RORA: variants seen among roughly 807,000 people sequenced by gnomAD.
The protein encoded by RORA is RAR related orphan receptor A, also known as nuclear receptor ROR-alpha.
In RORA, 7 loss-of-function variants were observed where a neutral mutation model predicts 69.5. That is an observed-to-expected ratio of 0.10 (90% CI 0.06 to 0.19). The LOEUF is 0.19. Ranked by LOEUF, RORA falls within the 10% of genes least tolerant of loss-of-function variation. The pLI is 1.00. For synonymous variants in RORA, 261 were observed against 240.8 expected (o/e 1.08, Z -0.78); for missense variants, 457 against 663.0 (o/e 0.69, Z 3.41).
At chr15:61,196,150 CAA>C (rs1309713372) in intron 1 of RORA, among the ~76,000 whole-genome samples, 3 of 152,170 alleles carry the variant, frequency 2.0e-5, no homozygotes, top group Admixed American at 6.5e-5. Context: ...GATCTGACCC[CAA>C]AAGTTACGTA....
intron 1 of RORA, chr15:60,736,830 C>A (rs897823074): frequency 1.3e-5 from 2 of 152,162 alleles, no homozygotes; most frequent in African/African-American, 4.8e-5. Context: ...CTAAGCAGAG[C>A]CGAGCCTGGT....
chr15:60,536,589 A>G (rs908500729), intron 2 of RORA, among the ~76,000 whole-genome samples: 1 of 152,240 alleles, frequency 6.6e-6, no homozygotes, highest in Non-Finnish European at 1.5e-5. Context: ...AAAGTTTTTT[A>G]TTGGTTCACA....
chr15:60,948,498 A>G (rs566237091), intron 1 of RORA, among the ~76,000 whole-genome samples: 1 of 152,374 alleles, frequency 6.6e-6, no homozygotes, highest in South Asian at 2.1e-4. Context: ...GTTCCCAGCT[A>G]GTGCAAATGT....
chr15:60,796,032 C>A (rs906581150), intron 1 of RORA, among the ~76,000 whole-genome samples: 2 of 152,148 alleles, frequency 1.3e-5, no homozygotes, highest in African/African-American at 2.4e-5. Flanking sequence ...TTTTCTTAAC[C>A]TTTGCATCCT....
At chr15:61,221,937 C>G (rs563097279) in intron 1 of RORA, among the ~76,000 whole-genome samples, 23 of 151,196 alleles carry the variant, frequency 1.5e-4, no homozygotes, top group Admixed American at 1.3e-3. Flanking sequence ...CGGGAGGATC[C>G]CTTGAGCCCA....
At chr15:60,592,730 C>T (rs2140526862) in intron 2 of RORA, 8 of 1,096,480 alleles carry the variant, frequency 7.3e-6, no homozygotes, top group East Asian at 1.0e-4. Context: ...GCTCTGCTGG[C>T]CCACCCCGGC....
intron 1 of RORA, among the ~76,000 whole-genome samples, chr15:60,979,127 A>C (rs766756418): frequency 1.9e-4 from 29 of 151,234 alleles, no homozygotes; most frequent in Non-Finnish European, 3.7e-4. Flanking sequence ...ATGCCTGGCT[A>C]ATTTTTTTTT....
intron 1 of RORA, among the ~76,000 whole-genome samples, chr15:60,961,575 A>G (rs1024311915): frequency 6.6e-6 from 1 of 152,244 alleles, no homozygotes; most frequent in Non-Finnish European, 1.5e-5. Context: ...ATTTGGCCTA[A>G]GATATGAATG....
At chr15:60,592,627 C>CGGGGCGG (rs1285999827) in intron 2 of RORA, 4 of 1,146,804 alleles carry the variant, frequency 3.5e-6, no homozygotes, top group Non-Finnish European at 4.3e-6. Flanking sequence ...CGCTTCCTCC[C>CGGGGCGG]GGGGCGGGAG....
intron 1 of RORA, among the ~76,000 whole-genome samples, chr15:61,225,125 G>A (rs997925191): frequency 6.6e-6 from 1 of 152,058 alleles, no homozygotes; most frequent in Non-Finnish European, 1.5e-5. Flanking sequence ...ATCATCAAAT[G>A]CCTTTTCTAT....
chr15:60,788,757 C>T (rs531040372), intron 1 of RORA, among the ~76,000 whole-genome samples: 9 of 152,316 alleles, frequency 5.9e-5, no homozygotes, highest in African/African-American at 2.2e-4. Flanking sequence ...CAGCCACACC[C>T]ACGGCCCATC....
intron 1 of RORA, among the ~76,000 whole-genome samples, chr15:61,062,651 A>C (rs2078203090): frequency 6.6e-6 from 1 of 152,202 alleles, no homozygotes; most frequent in Non-Finnish European, 1.5e-5. Flanking sequence ...GAGCATTTGC[A>C]TATCATATGT....
rs1357339593 is a variant in RORA at position 60,574,162 on chromosome 15, G to A, written c.197-42311C>T. ...CAGCCCTGCGAGTCTGGCAGACTCA[G>A]CCCCCAATTGGAGCTATGTGCTAGC... On this transcript the variant is annotated intron_variant, in intron 2 of 10. Coordinates refer to ENST00000335670, the MANE Select transcript of RORA (RefSeq NM_134261.3). Among the ~76,000 whole-genome samples, 6 of 152,176 alleles carry A rather than the reference G, an allele frequency of 3.9e-5. No homozygotes were observed. In the East Asian group the frequency reaches 1.2e-3, roughly 29 times the overall value.
intron 1 of RORA, among the ~76,000 whole-genome samples, chr15:60,727,600 C>T (rs1375007064): frequency 6.6e-6 from 1 of 152,012 alleles, no homozygotes; most frequent in Non-Finnish European, 1.5e-5. Flanking sequence ...TTTCAGGGGT[C>T]CCAGGGTATC....
chr15:60,885,226 T>A (rs1303043402), intron 1 of RORA, among the ~76,000 whole-genome samples: 2 of 152,182 alleles, frequency 1.3e-5, no homozygotes, highest in Non-Finnish European at 2.9e-5. Flanking sequence ...ACTCATAGCT[T>A]CCATCATGTT....
chr15:61,032,896 A>T (rs991340655), intron 1 of RORA, among the ~76,000 whole-genome samples: 3 of 152,240 alleles, frequency 2.0e-5, no homozygotes, highest in Admixed American at 6.5e-5. Context: ...ACATGCGTAT[A>T]CATTTATATT....
chr15:60,561,071 G>A lies in RORA; in HGVS notation c.197-29220C>T, dbSNP rs796625806. On this transcript the variant is annotated intron_variant, in intron 2 of 10. Transcript: ENST00000335670. ...TTTAACTTGTGTTTTTTTTTTTTTT[G>A]TTTTGTTTTTGTTTTTTTTTTTGTT... Among the ~76,000 whole-genome samples the A allele has an allele frequency of 1.3e-4, 14 of 110,496 alleles. No homozygotes were observed. In the East Asian group the frequency reaches 3.4e-3, roughly 27 times the overall value. 72.5% of individuals were successfully genotyped at this position (110,496 alleles called of 152,430 possible).
At chr15:61,193,050 C>T (rs2140917368) in intron 1 of RORA, among the ~76,000 whole-genome samples, 1 of 90,440 alleles carries the variant, frequency 1.1e-5, no homozygotes, top group South Asian at 5.1e-4. Flanking sequence ...ACAATCAACG[C>T]CCTCACCAGC....
rs968656661 is a variant in RORA at position 61,213,493 on chromosome 15, T to C, written c.166+15560A>G. On this transcript the variant is annotated intron_variant, in intron 1 of 10. Coordinates refer to ENST00000335670, the MANE Select transcript of RORA (RefSeq NM_134261.3). This position sits in a 1 kb window ranked among gnomAD's most constrained non-coding sequence, Gnocchi z 4.1. The stretch of plus-strand genomic sequence containing the variant: ...TTTCTCCAACCTTATCTCCTACTCC[T>C]CACCAGCATACTCTCAGGCCAAGCT... Among the ~76,000 whole-genome samples, 5 of 152,174 alleles carry C rather than the reference T, an allele frequency of 3.3e-5. No homozygotes were observed. Among genetic ancestry groups the C allele is most frequent in the African/African-American group, 1.2e-4 (5 of 41,434 alleles).
Sources: gnomAD v4.1 joint callset for allele counts (sites outside exome capture counted in the v4.1 genomes callset) on GRCh38, gnomAD v4.1.1 for gene constraint, Gnocchi (gnomAD v3.1) non-coding constraint, MANE v1.5 for transcripts, NCBI Gene and HGNC (gene_info 2026-07-23, HGNC 2026-07-21) for gene names.